Variants in ZNF319 observed in about 807,000 individuals in gnomAD.
ZNF319 encodes zinc finger protein 319.
Under a neutral mutation model 46.0 loss-of-function variants are expected in ZNF319, and 15 were observed. That is an observed-to-expected ratio of 0.33 (90% CI 0.22 to 0.50). The LOEUF is 0.50. Among genes scored for constraint, ZNF319 ranks in the 20% least tolerant of loss-of-function variants. ZNF319 has a pLI of 0.98. For missense variants in ZNF319, 635 were observed against 807.0 expected (o/e 0.79, Z 2.58); for synonymous variants, 368 against 364.0 (o/e 1.01, Z -0.13).
intron 1 of ZNF319, among the ~76,000 whole-genome samples, chr16:57,999,094 C>A (rs1031794250): frequency 8.5e-5 from 13 of 152,292 alleles, no homozygotes; most frequent in African/African-American, 3.1e-4. Flanking sequence ...TGACCACAGG[C>A]CCATTCTCTC....
Position 57,997,459 on chromosome 16 carries a change from G to T in ZNF319, c.807C>A (p.His269Gln), listed in dbSNP as rs199576590. 4.2e-5 allele frequency: 67 copies of T among 1,611,084 alleles called. No individual in the cohort carries two copies. Among genetic ancestry groups the T allele is most frequent in the Non-Finnish European group, 6.8e-6 (8 of 1,179,296 alleles). The change falls in exon 2 of 2, where the codon CAC (histidine) becomes CAA (glutamine). Residue 269 changes from histidine to glutamine, a missense_variant. His to Gln is a conservative substitution (Grantham distance 24). Around this residue, in one of 3 missense-constraint regions of ZNF319, gnomAD observed 138 missense variants for 248.0 expected, o/e 0.56. Transcript: ENST00000299237. ...ACATGTGGCGCACCAGGTGAGAGCG[G>T]TGCTTGAAGGTCTTCTCGCAGACTG... ...KCAVCEKTFK[H>Q]RSHLVRHMYA...
Position 57,996,580 on chromosome 16 carries a change from C to T in ZNF319, c.1686G>A (p.Ala562=). 1.3e-6 allele frequency: 2 copies of T among 1,594,646 alleles called. No homozygotes were observed. Among genetic ancestry groups the T allele is most frequent in the Non-Finnish European group, 8.5e-7 (1 of 1,175,830 alleles). ...CTGCCGCGGCGGCGGCACTGTGCTG[C>T]GCGCTGTGCTCCTGCAACAAGGCCA... ...LDVALLQEHS[A]QHSAAAAAAE... The change falls in exon 2 of 2, where the codon GCG becomes GCA. Residue 562 remains alanine, a synonymous_variant. Transcript: ENST00000299237.
rs1319528642 is a variant in ZNF319, at chr16:57,997,618, C to T, written c.648G>A (p.Glu216=). 2 of 1,613,944 alleles carry T rather than the reference C, an allele frequency of 1.2e-6. No individual in the cohort carries two copies. The highest frequency in any genetic ancestry group is 1.7e-6 in the Non-Finnish European group (2 of 1,180,030). ...TGTGGATCCGCTCATGCCGAGAGAG[C>T]TCCGACAGGTGCTTGAAGGGCTTTT... is the stretch of plus-strand genomic sequence containing the variant. ...ICQKPFKHLS[E]LSRHERIHTG... is the part of the protein sequence containing the mutation. Residue 216 remains glutamate, a synonymous_variant, in exon 2 of 2, where the codon GAG becomes GAA. Coordinates refer to ENST00000299237, the MANE Select transcript of ZNF319 (RefSeq NM_020807.3).
At chr16:57,999,239 TCACACACACACACA>T (rs60708700) in intron 1 of ZNF319, among the ~76,000 whole-genome samples, 1 of 145,662 alleles carries the variant, frequency 6.9e-6, no homozygotes, top group Non-Finnish European at 1.5e-5. Flanking sequence ...CTCCCAGAAC[TCACACACACACACA>T]CACACACACA....
At position 57,997,837 on chromosome 16, in the gene ZNF319, T is replaced by A. The variant is rs1187058372; in HGVS notation, c.429A>T (p.Leu143=). Residue 143 remains leucine (L), a synonymous_variant, in exon 2 of 2, where the codon CTA becomes CTT. Transcript: ENST00000299237. ...TGTGGTGCTGTGCCAGTGAGGTGAG[T>A]AGTGAGAAGCCCATCTTGCAGACCC... ...VCGVCKMGFS[L]LTSLAQHHSS... 5.6e-6 allele frequency: 9 copies of A among 1,612,570 alleles called. No individual in the cohort carries two copies. The highest frequency in any genetic ancestry group is 7.6e-6 in the Non-Finnish European group (9 of 1,180,020).
In ZNF319 at chr16:57,997,740, C is replaced by T; in HGVS notation, c.526G>A (p.Ala176Thr). 1 of 1,613,474 alleles carries T rather than the reference C, an allele frequency of 6.2e-7. No homozygotes were observed. Among genetic ancestry groups the T allele is most frequent in the Non-Finnish European group, 8.5e-7 (1 of 1,180,038 alleles). ...TYKPAEAAEPATTAAPSLPAA... is the reference protein window; with the variant it reads ...TYKPAEAAEPTTTAAPSLPAA... Reference sequence around the variant, plus strand: ...GGAAGCGACGGGGCGGCTGTGGTGGCTGGCTCCGCTGCCTCAGCTGGCTTG... The same window carrying T: ...GGAAGCGACGGGGCGGCTGTGGTGGTTGGCTCCGCTGCCTCAGCTGGCTTG... Residue 176 changes from alanine (A) to threonine (T), a missense_variant, in exon 2 of 2, where the codon GCC becomes ACC. This residue lies in a region of ZNF319 where 227 missense variants were observed against 277.5 expected (regional missense o/e 0.82). Coordinates refer to ENST00000299237, the MANE Select transcript of ZNF319 (RefSeq NM_020807.3).
Position 57,997,240 on chromosome 16 carries a change from G to A in ZNF319, c.1026C>T (p.Pro342=), listed in dbSNP as rs1567412387. Residue 342 remains proline, a synonymous_variant, in exon 2 of 2, where the codon CCC becomes CCT. Coordinates refer to ENST00000299237, the MANE Select transcript of ZNF319 (RefSeq NM_020807.3). ...CCATGGGGCACAGGTCGCACTTGAA[G>A]GGCCGCTCGGCGCTGTGTGTGCGCT... ...QHERTHSAER[P]FKCDLCPMGF... 5 of 1,612,550 alleles carry A rather than the reference G, an allele frequency of 3.1e-6. No individual in the cohort carries two copies. The highest frequency in any genetic ancestry group is 4.2e-6 in the Non-Finnish European group (5 of 1,179,898).
chr16:57,998,905 T>C (rs1963087464), intron 1 of ZNF319, among the ~76,000 whole-genome samples: 1 of 152,162 alleles, frequency 6.6e-6, no homozygotes, highest in Non-Finnish European at 1.5e-5. Flanking sequence ...CTCCTGTTGC[T>C]ACCCTGAGTC....
In ZNF319 at chr16:57,997,105, G is replaced by A. The variant is rs753581215; in HGVS notation, c.1161C>T (p.Leu387=). 2.7e-5 allele frequency: 43 copies of A among 1,614,018 alleles called. No individual in the cohort carries two copies. In the South Asian group the frequency reaches 4.1e-4, roughly 15 times the overall value. The change falls in exon 2 of 2, where the codon CTC becomes CTT. Residue 387 remains leucine, a synonymous_variant. Coordinates refer to ENST00000299237, the MANE Select transcript of ZNF319 (RefSeq NM_020807.3). ...CGAGGGTGTGCACGTGCTGGTGGTA[G>A]AGCAGGTGGCTGGGCTGCCCAAAGC... ...EKGFGQPSHL[L]YHQHVHTLET...
rs1963032145 is a variant in ZNF319, at chr16:57,997,020, G to A, written c.1246C>T (p.Arg416Trp). 1.9e-6 allele frequency: 3 copies of A among 1,610,572 alleles called. No homozygotes were observed. The highest frequency in any genetic ancestry group is 2.5e-6 in the Non-Finnish European group (3 of 1,179,426). Residue 416 changes from arginine (R) to tryptophan (W), a missense_variant, in exon 2 of 2, where the codon CGG becomes TGG. This residue lies in a region of ZNF319 where 270 missense variants were observed against 281.4 expected (regional missense o/e 0.96). Transcript: ENST00000299237. ...KGFDQSAELL[R>W]HKCLPGAAER... ...GCCGCGCCGGGCAGGCACTTGTGCC[G>A]CAGCAGCTCGGCAGATTGGTCAAAG... is the stretch of plus-strand genomic sequence containing the variant.
In ZNF319 at chr16:58,000,322, C is replaced by G. The variant is rs1597039201; in HGVS notation, c.-1087G>C. 2 of 151,006 alleles carry G rather than the reference C, an allele frequency of 1.3e-5. No individual in the cohort carries two copies. The highest frequency in any genetic ancestry group is 1.3e-4 in the Admixed American group (2 of 15,184). 9.4% of individuals were successfully genotyped at this position (151,006 alleles called of 1,614,324 possible). ...GTCGCGGCGGAGGGGCGCGGGGGGG[C>G]GGCCGGGCCGGCAGAGGAAGGGGTG... On this transcript the variant is annotated 5_prime_UTR_variant, in exon 1 of 2. Transcript: ENST00000299237. The surrounding 1 kb of genome is among the most constrained non-coding windows in gnomAD (Gnocchi z 4.5).
intron 1 of ZNF319, 103 bp from the exon 2 acceptor site, chr16:57,998,625 A>C: frequency 4.9e-6 from 1 of 202,340 alleles, no homozygotes; most frequent in Non-Finnish European, 1.0e-5. Flanking sequence ...CACAAACCAC[A>C]CATCGGGGAA....
At position 57,997,347 on chromosome 16, in the gene ZNF319, A is replaced by G; in HGVS notation, c.919T>C (p.Cys307Arg). ...AAGGGCCGCTCCCCACTTGGCGTGC[A>G]CGGGTGCTGCAGCAGCTCCGACGAC... Reference protein sequence around the residue: ...KESSELLQHPCTPSGERPFRC... With the variant: ...KESSELLQHPRTPSGERPFRC... The change falls in exon 2 of 2, where the codon TGC becomes CGC. Residue 307 changes from cysteine (C) to arginine (R), a missense_variant. Physicochemically the swap from Cys to Arg is radical, Grantham distance 180. Around this residue, in one of 3 missense-constraint regions of ZNF319, gnomAD observed 138 missense variants for 248.0 expected, o/e 0.56. Transcript: ENST00000299237. 1 of 1,611,892 alleles carries G rather than the reference A, an allele frequency of 6.2e-7. No homozygotes were observed. The highest frequency in any genetic ancestry group is 8.5e-7 in the Non-Finnish European group (1 of 1,179,836).
chr16:57,997,689 T>C lies in ZNF319; in HGVS notation c.577A>G (p.Thr193Ala), dbSNP rs767814113. ...GGCTTGTCGGCCTGTTCAGCAGGGGTGACAGTGGAAGGCGCGGGTGCTGCG... is the reference window on the plus strand; with the variant it reads ...GGCTTGTCGGCCTGTTCAGCAGGGGCGACAGTGGAAGGCGCGGGTGCTGCG... ...LPAAPAPSTV[T>A]PAEQADKPYS... Residue 193 changes from threonine (T) to alanine (A), a missense_variant, in exon 2 of 2, where the codon ACC becomes GCC. Transcript: ENST00000299237. The C allele has an allele frequency of 1.9e-6, 3 of 1,613,710 alleles. No individual in the cohort carries two copies. Among genetic ancestry groups the C allele is most frequent in the Admixed American group, 3.3e-5 (2 of 60,022 alleles).
rs1567411619 is a variant in ZNF319, at chr16:57,996,536, A to C, written c.1730T>G (p.Val577Gly). 5 of 1,540,112 alleles carry C rather than the reference A, an allele frequency of 3.2e-6. No individual in the cohort carries two copies. Among genetic ancestry groups the C allele is most frequent in the Non-Finnish European group, 3.5e-6 (4 of 1,148,954 alleles). ...GCAGAGTCAGGGCAGGCAGGCGGCTACCTGGTAGGCGCCCTCCGCTGCCGC... is the reference window on the plus strand; with the variant it reads ...GCAGAGTCAGGGCAGGCAGGCGGCTCCCTGGTAGGCGCCCTCCGCTGCCGC... ...AAAAAEGAYQ[V>G]AACLP is the part of the protein sequence containing the mutation. The change falls in exon 2 of 2, where the codon GTA becomes GGA. Residue 577 changes from valine (V) to glycine (G), a missense_variant. Transcript: ENST00000299237.
chr16:57,997,248 C>A lies in ZNF319; in HGVS notation c.1018G>T (p.Glu340Ter), dbSNP rs1387851104. The A allele has an allele frequency of 6.2e-7, 1 of 1,611,946 alleles. No homozygotes were observed. Among genetic ancestry groups the A allele is most frequent in the African/African-American group, 1.3e-5 (1 of 74,936 alleles). ...LRQHERTHSA[E>*]RPFKCDLCPM... ...CACAGGTCGCACTTGAAGGGCCGCTCGGCGCTGTGTGTGCGCTCATGCTGC... is the reference window on the plus strand; with the variant it reads ...CACAGGTCGCACTTGAAGGGCCGCTAGGCGCTGTGTGTGCGCTCATGCTGC... Residue 340 changes from glutamate (E) to a stop codon, truncating the protein, a stop_gained, in exon 2 of 2, where the codon GAG becomes TAG. Coordinates refer to ENST00000299237, the MANE Select transcript of ZNF319 (RefSeq NM_020807.3). LOFTEE classifies it high-confidence loss of function.
chr16:57,997,684 A>C lies in ZNF319; in HGVS notation c.582T>G (p.Pro194=). ...TGTAGGGCTTGTCGGCCTGTTCAGC[A>C]GGGGTGACAGTGGAAGGCGCGGGTG... ...PAAPAPSTVT[P]AEQADKPYSC... is the part of the protein sequence containing the mutation. Residue 194 remains proline (P), a synonymous_variant, in exon 2 of 2, where the codon CCT becomes CCG. Coordinates refer to ENST00000299237, the MANE Select transcript of ZNF319 (RefSeq NM_020807.3). 1 of 1,613,824 alleles carries C rather than the reference A, an allele frequency of 6.2e-7. No individual in the cohort carries two copies. Among genetic ancestry groups the C allele is most frequent in the Non-Finnish European group, 8.5e-7 (1 of 1,179,972 alleles).
rs1206872993 is a variant in ZNF319 at position 57,995,479 on chromosome 16, G to A, written c.*1038C>T. On this transcript the variant is annotated 3_prime_UTR_variant, in exon 2 of 2. Transcript: ENST00000299237. ...CACATTGATGTAGGGAGGGTACTGGGGGGGTCCCCACCCTGGCCTAGTCTT... is the reference window on the plus strand; with the variant it reads ...CACATTGATGTAGGGAGGGTACTGGAGGGGTCCCCACCCTGGCCTAGTCTT... 1.3e-5 allele frequency: 2 copies of A among 152,930 alleles called. No homozygotes were observed. The highest frequency in any genetic ancestry group is 3.9e-4 in the East Asian group (2 of 5,184). The allele number at this position is 152,930 out of a possible 1,614,324, so 9.5% of individuals were successfully genotyped here.
At position 57,999,956 on chromosome 16, in the gene ZNF319, T is replaced by C. The variant is rs1467959028; in HGVS notation, c.-721A>G. The C allele has an allele frequency of 6.6e-6, 1 of 152,516 alleles. No homozygotes were observed. Among genetic ancestry groups the C allele is most frequent in the African/African-American group, 2.4e-5 (1 of 41,452 alleles). The allele number at this position is 152,516 out of a possible 1,614,324, so 9.4% of individuals were successfully genotyped here. ...CACCCCCTGCCCACCCTGGCCCTCC[T>C]GCAGCAAGGTGCAGCCAGGAAGCCT... On this transcript the variant is annotated 5_prime_UTR_variant, in exon 1 of 2. Coordinates refer to ENST00000299237, the MANE Select transcript of ZNF319 (RefSeq NM_020807.3).
Sources: gnomAD v4.1 joint callset for allele counts (sites outside exome capture counted in the v4.1 genomes callset) on GRCh38, gnomAD v4.1.1 for gene constraint, gnomAD v4.1.1 regional missense constraint, Gnocchi (gnomAD v3.1) non-coding constraint, MANE v1.5 for transcripts, NCBI Gene and HGNC (gene_info 2026-07-23, HGNC 2026-07-21) for gene names.